The following NRAP variants were observed in gnomAD, a reference collection of about 807,000 sequenced individuals.
NRAP encodes nebulin related anchoring protein, also known as nebulin-related-anchoring protein.
NRAP carries 189 observed loss-of-function variants against 225.9 expected under a neutral mutation model. The ratio of observed to expected loss-of-function variants is 0.84; its 90% CI spans 0.74 to 0.94. NRAP has a LOEUF of 0.94. Among genes scored for constraint, NRAP ranks in the 40% least tolerant of loss-of-function variants. The pLI, the probability that NRAP is intolerant of heterozygous loss-of-function variation, is 0.00. For missense variants in NRAP, 2,176 were observed against 2,168.7 expected (o/e 1.00, Z -0.07); for synonymous variants, 769 against 790.7 (o/e 0.97, Z 0.46).
At chr10:113,589,447 G>A in intron 41 of NRAP, 1 of 612,380 alleles carries the variant, frequency 1.6e-6, no homozygotes, top group South Asian at 2.1e-5. Flanking sequence ...CAGAACTAAT[G>A]GCTGTGACTT....
chr10:113,644,159 A>AAAAAAG (rs1476259544), intron 11 of NRAP, among the ~76,000 whole-genome samples: 1 of 150,280 alleles, frequency 6.7e-6, no homozygotes, highest in Non-Finnish European at 1.5e-5. Flanking sequence ...AAAAAAAAAA[A>AAAAAAG]AAAAAAAAAA....
chr10:113,592,439 G>T (rs971068535), intron 38 of NRAP, 138 bp from the exon 39 acceptor site: 5 of 516,818 alleles, frequency 9.7e-6, no homozygotes, highest in Admixed American at 3.5e-5. Context: ...GTCCACCTTG[G>T]CGACTCCCTA....
In NRAP at chr10:113,597,132, G is replaced by A. The variant is rs755081722; in HGVS notation, c.4385C>T (p.Ser1462Phe). The change falls in exon 37 of 42, where the codon TCC (serine) becomes TTC (phenylalanine). Residue 1462 changes from serine (S) to phenylalanine (F), a missense_variant. Transcript: ENST00000359988. Reference sequence around the variant, plus strand: ...GTTCTTGGCATGAACCAGGTCTGGGGAGTCAACCACTGTGGTGAACTTGAT... The same window carrying A: ...GTTCTTGGCATGAACCAGGTCTGGGAAGTCAACCACTGTGGTGAACTTGAT... ...DSIKFTTVVD[S>F]PDLVHAKNSY... 1.2e-6 allele frequency: 2 copies of A among 1,613,860 alleles called. 1 individual carries two copies. Among genetic ancestry groups the A allele is most frequent in the South Asian group, 2.2e-5 (2 of 91,064 alleles).
At chr10:113,630,487 G>A (rs1335442292) in intron 18 of NRAP, among the ~76,000 whole-genome samples, 1 of 152,170 alleles carries the variant, frequency 6.6e-6, no homozygotes, top group Non-Finnish European at 1.5e-5. Flanking sequence ...GACGATGGTA[G>A]TGCTGATGGG....
At position 113,663,227 on chromosome 10, in the gene NRAP, G is replaced by T. The variant is rs41302719; in HGVS notation, c.167+125C>A. The stretch of plus-strand genomic sequence containing the variant: ...GTCTCTTTAATGACAGGATACAAGG[G>T]AACACTTTGGGAGAAGATATTTCTT... On this transcript the variant is annotated intron_variant, in intron 2 of 41. Transcript: ENST00000359988. 0.1 allele frequency: 65,619 copies of T among 653,594 alleles called. 3,770 individuals carry two copies. The highest frequency in any genetic ancestry group is 0.17 in the South Asian group (9,117 of 53,772). The allele number at this position is 653,594 out of a possible 1,614,324, so 40.5% of individuals were successfully genotyped here. A position where few individuals can be genotyped will look rare whatever the true frequency, so the allele number is the denominator to read the frequency against.
At chr10:113,611,346 C>A (rs762972985) in intron 30 of NRAP, among the ~76,000 whole-genome samples, 1 of 152,164 alleles carries the variant, frequency 6.6e-6, no homozygotes, top group Non-Finnish European at 1.5e-5. Flanking sequence ...CCGCTCAGAT[C>A]GCAGGCACTG....
At chr10:113,603,704 C>T (rs1037451557) in intron 35 of NRAP, among the ~76,000 whole-genome samples, 14 of 152,132 alleles carry the variant, frequency 9.2e-5, no homozygotes, top group Non-Finnish European at 1.8e-4. Flanking sequence ...CAAGGCTGCT[C>T]CTTCACTTCA....
intron 38 of NRAP, among the ~76,000 whole-genome samples, chr10:113,594,881 G>A (rs887382224): frequency 3.3e-5 from 5 of 152,208 alleles, no homozygotes; most frequent in East Asian, 3.9e-4. Context: ...AAGAATGGCC[G>A]GACTCTGGGA....
rs1195536160 is a variant in NRAP, at chr10:113,634,134, A to AT, written c.1504dup (p.Ile502AsnfsTer14). 3 of 1,613,490 alleles carry AT rather than the reference A, an allele frequency of 1.9e-6. No homozygotes were observed. Among genetic ancestry groups the AT allele is most frequent in the Non-Finnish European group, 2.5e-6 (3 of 1,179,576 alleles). On this transcript the variant is annotated frameshift_variant, in exon 15 of 42. Coordinates refer to ENST00000359988, the MANE Select transcript of NRAP (RefSeq NM_198060.4). LOFTEE classifies it high-confidence loss of function. Reference sequence around the variant, plus strand: ...TACATGACTCAGCTGCTGGGCATTGATTTTGGCTTGAACAATCTGTGGGGT... The same window carrying AT: ...TACATGACTCAGCTGCTGGGCATTGATTTTTGGCTTGAACAATCTGTGGGGT...
Position 113,631,491 on chromosome 10 carries a change from G to T in NRAP, c.1842+18C>A. 4 of 1,495,280 alleles carry T rather than the reference G, an allele frequency of 2.7e-6. No homozygotes were observed. Among genetic ancestry groups the T allele is most frequent in the South Asian group, 1.2e-5 (1 of 84,424 alleles). The allele number at this position is 1,495,280 out of a possible 1,614,324, so 92.6% of individuals were successfully genotyped here. A position where few individuals can be genotyped will look rare whatever the true frequency, so the allele number is the denominator to read the frequency against. Reference sequence around the variant, plus strand: ...ACACAACTGTAAGTGAGAGGTTGGGGGTTAGAAAAGAGTTTACCTCACTGC... The same window carrying T: ...ACACAACTGTAAGTGAGAGGTTGGGTGTTAGAAAAGAGTTTACCTCACTGC... On this transcript the variant is annotated intron_variant, in intron 18 of 41. Coordinates refer to ENST00000359988, the MANE Select transcript of NRAP (RefSeq NM_198060.4).
chr10:113,588,945 T>C lies in NRAP; in HGVS notation c.*30A>G. ...GTCTCTGGTGAACAAACTTCCTCTC[T>C]GGCCTCTCAGGAATCAGGGTGGACA... is the stretch of plus-strand genomic sequence containing the variant. On this transcript the variant is annotated 3_prime_UTR_variant, in exon 42 of 42. Coordinates refer to ENST00000359988, the MANE Select transcript of NRAP (RefSeq NM_198060.4). 1 of 1,560,670 alleles carries C rather than the reference T, an allele frequency of 6.4e-7. No homozygotes were observed. The highest frequency in any genetic ancestry group is 1.4e-5 in the African/African-American group (1 of 71,378).
At chr10:113,589,865 A>G in intron 40 of NRAP, 68 bp from the exon 41 acceptor site, 2 of 1,555,106 alleles carry the variant, frequency 1.3e-6, no homozygotes, top group Non-Finnish European at 1.7e-6. Context: ...CATTAAGTAA[A>G]GAAGATTAAA....
intron 24 of NRAP, 26 bp downstream of exon 24, chr10:113,621,843 A>G: frequency 1.3e-6 from 2 of 1,580,492 alleles, no homozygotes; most frequent in Non-Finnish European, 1.7e-6. Context: ...TACACACACA[A>G]GTGCACACAC....
chr10:113,631,331 A>C (rs746205205), intron 18 of NRAP, among the ~76,000 whole-genome samples, 178 bp downstream of exon 18: 30 of 152,248 alleles, frequency 2.0e-4, no homozygotes, highest in Non-Finnish European at 3.5e-4. Flanking sequence ...TTTAAAAAAA[A>C]ATAGTATGCT....
intron 20 of NRAP, among the ~76,000 whole-genome samples, chr10:113,626,395 G>T (rs1233777883): frequency 1.3e-5 from 2 of 152,146 alleles, no homozygotes; most frequent in Non-Finnish European, 2.9e-5. Flanking sequence ...GTATTTCACC[G>T]TGTGCCCTGG....
chr10:113,600,881 G>A (rs1846557555), intron 35 of NRAP, among the ~76,000 whole-genome samples: 1 of 152,216 alleles, frequency 6.6e-6, no homozygotes, highest in Non-Finnish European at 1.5e-5. Context: ...CCCAGGGTAA[G>A]CATTCCATAC....
At chr10:113,589,125 C>T in intron 41 of NRAP, 46 bp from the exon 42 acceptor site, 1 of 1,527,622 alleles carries the variant, frequency 6.5e-7, no homozygotes, top group Non-Finnish European at 9.0e-7. Context: ...GCTCCCCCAC[C>T]CCCACTCCCG....
At position 113,606,278 on chromosome 10, in the gene NRAP, A is replaced by ATG; in HGVS notation, c.3706_3707insCA (p.Leu1236ProfsTer16). ...TGCATCCTCTCCAGCTGCTTTATAG[A>ATG]GGCGCTAGGCCAAAAAAATATAATA... On this transcript the variant is annotated frameshift_variant, in exon 33 of 42. Transcript: ENST00000359988. LOFTEE classifies it high-confidence loss of function. 1 of 1,597,382 alleles carries ATG rather than the reference A, an allele frequency of 6.3e-7. No homozygotes were observed. The highest frequency in any genetic ancestry group is 8.6e-7 in the Non-Finnish European group (1 of 1,164,822).
chr10:113,637,618 T>C (rs1848950626), intron 14 of NRAP, among the ~76,000 whole-genome samples: 1 of 152,096 alleles, frequency 6.6e-6, no homozygotes, highest in Non-Finnish European at 1.5e-5. Flanking sequence ...TTTTGTTGGA[T>C]TTGGAGATTA....
Sources: gnomAD v4.1 joint callset for allele counts (sites outside exome capture counted in the v4.1 genomes callset) on GRCh38, gnomAD v4.1.1 for gene constraint, MANE v1.5 for transcripts, NCBI Gene and HGNC (gene_info 2026-07-23, HGNC 2026-07-21) for gene names.